Variants in PNPLA7 observed in about 807,000 individuals in gnomAD.
The protein encoded by PNPLA7 is patatin-like phospholipase domain-containing protein 7.
In PNPLA7, 153 loss-of-function variants were observed where a neutral mutation model predicts 161.7. That is an observed-to-expected ratio of 0.95 (90% CI 0.83 to 1.08). The LOEUF (loss-of-function observed/expected upper bound fraction) is 1.08. Among genes scored for constraint, PNPLA7 ranks in the 50% least tolerant of loss-of-function variants. PNPLA7 has a pLI of 0.00. For synonymous variants in PNPLA7, 809 were observed against 782.1 expected (o/e 1.03, Z -0.57); for missense variants, 1,739 against 1,856.6 (o/e 0.94, Z 1.16).
At chr9:137,545,420 C>T (rs1425182299) in intron 4 of PNPLA7, among the ~76,000 whole-genome samples, 5 of 152,162 alleles carry the variant, frequency 3.3e-5, no homozygotes, top group Non-Finnish European at 5.9e-5. Context: ...GAGCGTGAGG[C>T]CCTCTGCACC....
Position 137,543,336 on chromosome 9 carries a change from CCCCAACACAAGACGG to C in PNPLA7, c.506+81_506+95del. ...CCACGATGCGCTTTGCCAACCATTC[CCCCAACACAAGACGG>C]CCAAGCTGGAGCCAGGCCCCAGCGA... is the stretch of plus-strand genomic sequence containing the variant. On this transcript the variant is annotated intron_variant, in intron 6 of 34. Coordinates refer to ENST00000406427, the MANE Select transcript of PNPLA7 (RefSeq NM_001098537.3). The surrounding 1 kb of genome is among the most constrained non-coding windows in gnomAD (Gnocchi z 6.9). The C allele has an allele frequency of 6.6e-7, 1 of 1,510,892 alleles. No homozygotes were observed. Among genetic ancestry groups the C allele is most frequent in the Non-Finnish European group, 9.1e-7 (1 of 1,098,112 alleles). The allele number at this position is 1,510,892 out of a possible 1,614,324, so 93.6% of individuals were successfully genotyped here. A position where few individuals can be genotyped will look rare whatever the true frequency, so the allele number is the denominator to read the frequency against.
chr9:137,478,582 TG>T (rs967199941), intron 24 of PNPLA7: 2 of 175,274 alleles, frequency 1.1e-5, no homozygotes, highest in Non-Finnish European at 1.2e-5. Flanking sequence ...CTCAGGCCCC[TG>T]GGCTGCCTGA....
chr9:137,469,134 A>T (rs1831604823), intron 25 of PNPLA7, among the ~76,000 whole-genome samples: 1 of 152,220 alleles, frequency 6.6e-6, no homozygotes, highest in African/African-American at 2.4e-5. Flanking sequence ...AAAATTCTAG[A>T]AGTGAAAAAT....
At chr9:137,518,205 CTGCT>C (rs1834741272) in intron 11 of PNPLA7, among the ~76,000 whole-genome samples, 1 of 139,030 alleles carries the variant, frequency 7.2e-6, no homozygotes, top group Non-Finnish European at 1.5e-5. Flanking sequence ...TCACTCCACT[CTGCT>C]CACTCCATCC....
rs2132478148 is a variant in PNPLA7 at position 137,520,887 on chromosome 9, G to C, written c.957+749C>G. Reference sequence around the variant, plus strand: ...GAGGAGCTGTCAAGGGCAACACACAGGGAGTGCTGGCAACAGGGACCCCAT... The same window carrying C: ...GAGGAGCTGTCAAGGGCAACACACACGGAGTGCTGGCAACAGGGACCCCAT... On this transcript the variant is annotated intron_variant, in intron 10 of 34. Coordinates refer to ENST00000406427, the MANE Select transcript of PNPLA7 (RefSeq NM_001098537.3). The surrounding 1 kb of genome is among the most constrained non-coding windows in gnomAD (Gnocchi z 5.2). Among the ~76,000 whole-genome samples, 1 of 152,388 alleles carries C rather than the reference G, an allele frequency of 6.6e-6. No homozygotes were observed. Among genetic ancestry groups the C allele is most frequent in the South Asian group, 2.1e-4 (1 of 4,834 alleles).
intron 14 of PNPLA7, among the ~76,000 whole-genome samples, chr9:137,504,771 A>G (rs1833821545): frequency 6.6e-6 from 1 of 152,312 alleles, no homozygotes; most frequent in Non-Finnish European, 1.5e-5. Flanking sequence ...TGAGACAGAA[A>G]ATAACTGGGG....
chr9:137,526,595 T>G (rs1476964356), intron 8 of PNPLA7, among the ~76,000 whole-genome samples: 3 of 152,172 alleles, frequency 2.0e-5, no homozygotes, highest in Non-Finnish European at 4.4e-5. Flanking sequence ...TCCTTTGTAG[T>G]ACAAATGTGA....
intron 15 of PNPLA7, 128 bp from the exon 16 acceptor site, chr9:137,501,024 G>A: frequency 1.4e-6 from 1 of 733,358 alleles, no homozygotes; most frequent in Non-Finnish European, 2.2e-6. Context: ...ATCAGCTCTG[G>A]GCATGGACTT....
At chr9:137,515,634 C>T (rs1489790676) in intron 11 of PNPLA7, 115 bp from the exon 12 acceptor site, 28 of 1,321,958 alleles carry the variant, frequency 2.1e-5, no homozygotes, top group East Asian at 1.1e-4. Flanking sequence ...CGCACCTGAA[C>T]GCGCTCTGGA....
intron 17 of PNPLA7, 30 bp from the exon 18 acceptor site, chr9:137,497,340 T>TA (rs771757524): frequency 6.7e-7 from 1 of 1,500,842 alleles, no homozygotes; most frequent in East Asian, 2.6e-5. Context: ...CCTGCAGCCC[T>TA]GGGCCCCCAG....
In PNPLA7 at chr9:137,547,380, A is replaced by G. The variant is rs763389498; in HGVS notation, c.122T>C (p.Val41Ala). The G allele has an allele frequency of 2.5e-6, 4 of 1,613,552 alleles. No individual in the cohort carries two copies. Among genetic ancestry groups the G allele is most frequent in the Admixed American group, 1.7e-5 (1 of 60,030 alleles). The change falls in exon 3 of 35, where the codon GTT becomes GCT. Residue 41 changes from valine (V) to alanine (A), a missense_variant. Physicochemically the swap from Val to Ala is moderately conservative, Grantham distance 64 (BLOSUM62 0). Around this residue, in one of 6 missense-constraint regions of PNPLA7, gnomAD observed 209 missense variants for 252.8 expected, o/e 0.83. Transcript: ENST00000406427. This position sits in a 1 kb window ranked among gnomAD's most constrained non-coding sequence, Gnocchi z 4.6. ...SPSTMLTGIA[V>A]GALLALALVG... ...CAAGGCCAGGGCCAGGAGGGCTCCAACTGCAATCCCCGTCAGCTGGCCGAG... is the reference window on the plus strand; with the variant it reads ...CAAGGCCAGGGCCAGGAGGGCTCCAGCTGCAATCCCCGTCAGCTGGCCGAG...
chr9:137,550,264 C>G lies in PNPLA7; in HGVS notation c.-67G>C. The G allele has an allele frequency of 6.4e-7, 1 of 1,567,166 alleles. No individual in the cohort carries two copies. The highest frequency in any genetic ancestry group is 1.7e-5 in the Admixed American group (1 of 59,958). On this transcript the variant is annotated 5_prime_UTR_variant, in exon 1 of 35. An upstream open reading frame in the 5' UTR loses its in-frame stop. Coordinates refer to ENST00000406427, the MANE Select transcript of PNPLA7 (RefSeq NM_001098537.3). Reference sequence around the variant, plus strand: ...GCCTGAAGCAAACAAGGGCACACCTCTACCCGCTCATGCTCACACCTGGAC... The same window carrying G: ...GCCTGAAGCAAACAAGGGCACACCTGTACCCGCTCATGCTCACACCTGGAC...
chr9:137,511,578 A>G (rs796240812), intron 12 of PNPLA7, among the ~76,000 whole-genome samples: 8 of 152,310 alleles, frequency 5.3e-5, no homozygotes, highest in East Asian at 3.9e-4. Context: ...TACTTAGCAG[A>G]CCAGGAAAGG....
At chr9:137,549,857 C>T (rs1332230359) in intron 1 of PNPLA7, among the ~76,000 whole-genome samples, 3 of 152,188 alleles carry the variant, frequency 2.0e-5, no homozygotes, top group Admixed American at 2.0e-4. Context: ...CTGGAAGTAG[C>T]AACTGTGACC....
rs200911051 is a variant in PNPLA7, at chr9:137,461,603, G to A, written c.3774C>T (p.Asn1258=). Residue 1258 remains asparagine, a synonymous_variant, in exon 33 of 35, where the codon AAC becomes AAT. Coordinates refer to ENST00000406427, the MANE Select transcript of PNPLA7 (RefSeq NM_001098537.3). ...TTTCGGCAAGGTCCGTGAAGGAGGCGTTGGGACAGGTGAGGACCTAGGGGT... is the reference window on the plus strand; with the variant it reads ...TTTCGGCAAGGTCCGTGAAGGAGGCATTGGGACAGGTGAGGACCTAGGGGT... ...KPASAVLTCP[N]ASFTDLAEIV... is the part of the protein sequence containing the mutation. 7.9e-5 allele frequency: 128 copies of A among 1,612,514 alleles called. No homozygotes were observed. The African/African-American group carries it at 9.7e-4, about 12-fold the overall frequency.
At chr9:137,480,029 G>GTCC (rs1832133441) in intron 23 of PNPLA7, among the ~76,000 whole-genome samples, 2 of 152,254 alleles carry the variant, frequency 1.3e-5, no homozygotes, top group South Asian at 4.1e-4. Flanking sequence ...TAAAAGGTTA[G>GTCC]TCCTGGAAAA....
rs61747535 is a variant in PNPLA7, at chr9:137,479,123, C to T, written c.2696G>A (p.Trp899Ter). The T allele has an allele frequency of 2.5e-6, 4 of 1,597,156 alleles. No homozygotes were observed. Among genetic ancestry groups the T allele is most frequent in the Middle Eastern group, 1.9e-4 (1 of 5,196 alleles). Residue 899 changes from tryptophan (W) to a stop codon, truncating the protein, a stop_gained, in exon 24 of 35, where the codon TGG (tryptophan) becomes TAG (stop). Coordinates refer to ENST00000406427, the MANE Select transcript of PNPLA7 (RefSeq NM_001098537.3). LOFTEE classifies it high-confidence loss of function. ...GCAGAGGTGCAGGTGGCCGGAGCAC[C>T]AGCTCCGCATGTTGAGCCACTCCAC... The part of the protein sequence containing the change: ...RTVEWLNMRS[W>*]CSGHLHLCCP...
rs1833836325 is a variant in PNPLA7 at position 137,505,022 on chromosome 9, C to G, written c.1473+592G>C. 2.0e-5 allele frequency among the ~76,000 whole-genome samples: 3 copies of G among 152,008 alleles called. No individual in the cohort carries two copies. The South Asian group carries it at 6.2e-4, about 32-fold the overall frequency. ...TGGCCAACATGGTGAAACCCCGTCT[C>G]TACTAAAAATACAAAATTTAGCCAG... On this transcript the variant is annotated intron_variant, in intron 14 of 34. Transcript: ENST00000406427.
At chr9:137,517,063 TC>T (rs1834624298) in intron 11 of PNPLA7, among the ~76,000 whole-genome samples, 1 of 135,368 alleles carries the variant, frequency 7.4e-6, no homozygotes, top group Admixed American at 7.3e-5. Flanking sequence ...CTCTGTCCAC[TC>T]CATCCCACAC....
Sources: gnomAD v4.1 joint callset for allele counts (sites outside exome capture counted in the v4.1 genomes callset) on GRCh38, gnomAD v4.1.1 for gene constraint, gnomAD v4.1.1 regional missense constraint, Gnocchi (gnomAD v3.1) non-coding constraint, MANE v1.5 for transcripts, NCBI Gene and HGNC (gene_info 2026-07-23, HGNC 2026-07-21) for gene names.